Variants in HECW1 observed in about 807,000 individuals in gnomAD.
HECW1 encodes the protein E3 ubiquitin-protein ligase HECW1.
Under a neutral mutation model 182.3 loss-of-function variants are expected in HECW1, and 61 were observed. The observed-to-expected ratio is 0.33, with a 90% CI of 0.27 to 0.41. HECW1 has a LOEUF of 0.41. Among genes scored for constraint, HECW1 ranks in the 10% least tolerant of loss-of-function variants. The pLI, the probability that HECW1 is intolerant of heterozygous loss-of-function variation, is 1.00. For missense variants in HECW1, 1,739 were observed against 2,108.9 expected, an observed-to-expected ratio of 0.82 and a Z score of 3.44; for synonymous variants, 859 against 832.6, an observed-to-expected ratio of 1.03 and a Z score of -0.55.
rs577476339 is a variant in HECW1 at position 43,479,883 on chromosome 7, T to C, written c.3234+139T>C. On this transcript the variant is annotated intron_variant, in intron 17 of 29. Coordinates refer to ENST00000395891, the MANE Select transcript of HECW1 (RefSeq NM_015052.5). Reference sequence around the variant, plus strand: ...ATTAAGCCATATGCACCCTGCTTTGTAGAAGAATGATGACCGGGACACCCA... The same window carrying C: ...ATTAAGCCATATGCACCCTGCTTTGCAGAAGAATGATGACCGGGACACCCA... The C allele has an allele frequency of 4.1e-5, 40 of 980,496 alleles. No individual in the cohort carries two copies. The South Asian group carries it at 6.5e-4, about 16-fold the overall frequency. The allele number at this position is 980,496 out of a possible 1,614,324, so 60.7% of individuals were successfully genotyped here. A position where few individuals can be genotyped will look rare whatever the true frequency, so the allele number is the denominator to read the frequency against.
At chr7:43,551,098 C>T (rs1278001966) in intron 27 of HECW1, among the ~76,000 whole-genome samples, 1 of 152,154 alleles carries the variant, frequency 6.6e-6, no homozygotes, top group African/African-American at 2.4e-5. Context: ...GTTTAAAAAC[C>T]AGAGGCTATA....
intron 16 of HECW1, among the ~76,000 whole-genome samples, chr7:43,478,518 T>A (rs2078301450): frequency 6.6e-6 from 1 of 152,158 alleles, no homozygotes; most frequent in South Asian, 2.1e-4. Context: ...TATACTTCCA[T>A]CAAACAATAT....
chr7:43,476,284 T>C (rs2078217495), intron 16 of HECW1, among the ~76,000 whole-genome samples: 1 of 152,174 alleles, frequency 6.6e-6, no homozygotes, highest in Non-Finnish European at 1.5e-5. Flanking sequence ...GAGCAACAGA[T>C]AATATTAAAT....
intron 2 of HECW1, among the ~76,000 whole-genome samples, chr7:43,144,030 A>G (rs1788443110): frequency 6.6e-6 from 1 of 152,190 alleles, no homozygotes; most frequent in Non-Finnish European, 1.5e-5. Context: ...CAAGTCTGGC[A>G]TGTTCCAGGA....
intron 2 of HECW1, among the ~76,000 whole-genome samples, chr7:43,240,347 A>G (rs961178437): frequency 7.2e-5 from 11 of 152,196 alleles, no homozygotes; most frequent in Non-Finnish European, 1.2e-4. Flanking sequence ...CAAATAAAGT[A>G]ATAATAAATA....
At chr7:43,457,846 A>G (rs2077455338) in intron 13 of HECW1, among the ~76,000 whole-genome samples, 1 of 152,188 alleles carries the variant, frequency 6.6e-6, no homozygotes, top group Non-Finnish European at 1.5e-5. Context: ...TGTTGTACAC[A>G]GAGGAGCATG....
intron 2 of HECW1, among the ~76,000 whole-genome samples, chr7:43,128,930 A>C (rs1786590518): frequency 6.6e-6 from 1 of 151,982 alleles, no homozygotes; most frequent in Admixed American, 6.5e-5. Context: ...TAGAATTGGA[A>C]ATGGAGCATG....
chr7:43,536,389 T>G (rs1165216468), intron 24 of HECW1, among the ~76,000 whole-genome samples: 1 of 152,122 alleles, frequency 6.6e-6, no homozygotes, highest in Non-Finnish European at 1.5e-5. Flanking sequence ...CAGGGGAGGC[T>G]CCATTCCTGA....
intron 26 of HECW1, among the ~76,000 whole-genome samples, chr7:43,548,381 A>C (rs532961392): frequency 6.6e-6 from 1 of 152,312 alleles, no homozygotes; most frequent in South Asian, 2.1e-4. Flanking sequence ...GAGTGGACCC[A>C]TGCAGTCCAA....
In HECW1 at chr7:43,183,408, C is replaced by A. The variant is rs540182519; in HGVS notation, c.-31-60467C>A. Among the ~76,000 whole-genome samples, 76 of 152,228 alleles carry A rather than the reference C, an allele frequency of 5.0e-4. No homozygotes were observed. In the South Asian group the frequency reaches 0.016, roughly 31 times the overall value. ...GCAAACATCCTCCGCCCTCAATACA[C>A]AATGTAGACTCATTATTAAGAAAAG... is the stretch of plus-strand genomic sequence containing the variant. On this transcript the variant is annotated intron_variant, in intron 2 of 29. Transcript: ENST00000395891.
intron 15 of HECW1, 61 bp from the exon 16 acceptor site, chr7:43,468,859 G>A (rs1245668442): frequency 1.8e-5 from 26 of 1,469,008 alleles, no homozygotes; most frequent in Non-Finnish European, 2.3e-5. Context: ...CTCATAGTGT[G>A]CTTGCTCTAT....
intron 3 of HECW1, among the ~76,000 whole-genome samples, chr7:43,281,713 C>CTTTTTTTTTTTTTTT: frequency 1.3e-5 from 1 of 77,348 alleles, no homozygotes; most frequent in Non-Finnish European, 2.4e-5. Flanking sequence ...TCTTTGCTTT[C>CTTTTTTTTTTTTTTT]TTTTTTTTTT....
chr7:43,274,512 G>A, intron 3 of HECW1: 1 of 596,142 alleles, frequency 1.7e-6, no homozygotes, highest in Non-Finnish European at 3.1e-6. Flanking sequence ...TCATGAAGGT[G>A]GAGGAGATCG....
intron 17 of HECW1, among the ~76,000 whole-genome samples, chr7:43,487,680 G>A (rs751392900): frequency 2.0e-5 from 3 of 152,184 alleles, no homozygotes; most frequent in South Asian, 2.1e-4. Context: ...AAAGCAGGCC[G>A]CGGATGGTGG....
At chr7:43,555,968 G>T (rs1353879721) in intron 29 of HECW1, among the ~76,000 whole-genome samples, 2 of 152,338 alleles carry the variant, frequency 1.3e-5, no homozygotes, top group African/African-American at 4.8e-5. Context: ...TTAGAGAAAT[G>T]CAGCTTGAGT....
At chr7:43,396,938 C>A in intron 7 of HECW1, 49 bp downstream of exon 7, 1 of 1,354,392 alleles carries the variant, frequency 7.4e-7, no homozygotes, top group Non-Finnish European at 1.1e-6. Flanking sequence ...GAATGTCAAC[C>A]AAGAGTGAAG....
chr7:43,336,199 T>TCTCTCTCTCTCTCTCTCTCTCC (rs1812261262), intron 5 of HECW1, among the ~76,000 whole-genome samples: 1 of 128,028 alleles, frequency 7.8e-6, no homozygotes, highest in Admixed American at 8.3e-5. Context: ...TCTCTCTCTC[T>TCTCTCTCTCTCTCTCTCTCTCC]TTCACTCTAT....
rs554768644 is a variant in HECW1 at position 43,350,410 on chromosome 7, C to G, written c.461-10476C>G. ...GCTTCTTGTATTTGGCTGTCTAGGTCTCTTGCAAGGCCAGGGAAGTTTTCC... is the reference window on the plus strand; with the variant it reads ...GCTTCTTGTATTTGGCTGTCTAGGTGTCTTGCAAGGCCAGGGAAGTTTTCC... On this transcript the variant is annotated intron_variant, in intron 5 of 29. Transcript: ENST00000395891. Among the ~76,000 whole-genome samples, 5 of 152,134 alleles carry G rather than the reference C, an allele frequency of 3.3e-5. No homozygotes were observed. In the South Asian group the frequency reaches 1.0e-3, roughly 32 times the overall value.
chr7:43,450,517 C>G (rs961839275), intron 11 of HECW1, among the ~76,000 whole-genome samples: 1 of 152,196 alleles, frequency 6.6e-6, no homozygotes, highest in Admixed American at 6.5e-5. Context: ...CTAATTTTCT[C>G]TTGTGTTCCT....
Sources: allele counts gnomAD v4.1 joint callset (sites outside exome capture counted in the v4.1 genomes callset), GRCh38; gene constraint gnomAD v4.1.1; transcripts MANE v1.5; gene names NCBI Gene and HGNC (gene_info 2026-07-23, HGNC 2026-07-21).